CADPS: variants seen among roughly 807,000 people sequenced by gnomAD.
The protein encoded by CADPS is calcium dependent secretion activator, also known as calcium-dependent secretion activator 1.
A neutral mutation model predicts 167.3 loss-of-function variants in CADPS; 57 were observed. The observed-to-expected ratio is 0.34, with a 90% confidence interval of 0.28 to 0.42. CADPS has a LOEUF of 0.42. CADPS is among the 20% of genes least tolerant of loss of function. The pLI is 1.00. For synonymous variants in CADPS, 676 were observed against 635.3 expected (o/e 1.06, Z -0.96); for missense variants, 1,414 against 1,738.1 (o/e 0.81, Z 3.32).
chr3:62,465,670 T>C lies in CADPS; in HGVS notation c.3553-220A>G, dbSNP rs984533193. Among the ~76,000 whole-genome samples the C allele has an allele frequency of 1.3e-5, 2 of 152,224 alleles. No homozygotes were observed. The highest frequency in any genetic ancestry group is 1.9e-4 in the East Asian group (1 of 5,196). On this transcript the variant is annotated intron_variant, in intron 25 of 29. Coordinates refer to ENST00000383710, the MANE Select transcript of CADPS (RefSeq NM_003716.4). This position sits in a 1 kb window ranked among gnomAD's most constrained non-coding sequence, Gnocchi z 4.1. Reference sequence around the variant, plus strand: ...CTTCATTATTATGTGATTGCAAATATAGAGTGTTACAGAAGTGCAAAGTGA... The same window carrying C: ...CTTCATTATTATGTGATTGCAAATACAGAGTGTTACAGAAGTGCAAAGTGA...
intron 17 of CADPS, among the ~76,000 whole-genome samples, chr3:62,509,194 C>A (rs2067246938): frequency 6.7e-6 from 1 of 150,232 alleles, no homozygotes; most frequent in Non-Finnish European, 1.5e-5. Context: ...GTCCCAGCCA[C>A]TTCGGATGCT....
At chr3:62,506,724 C>G (rs2066753638) in intron 17 of CADPS, among the ~76,000 whole-genome samples, 1 of 152,220 alleles carries the variant, frequency 6.6e-6, no homozygotes, top group African/African-American at 2.4e-5. Context: ...ACCTGGCCAA[C>G]CATAGTACCT....
At chr3:62,426,911 CAA>C (rs34473998) in intron 28 of CADPS, among the ~76,000 whole-genome samples, 150 of 141,822 alleles carry the variant, frequency 1.1e-3, no homozygotes, top group African/African-American at 2.2e-3. Context: ...ACTAAAAATA[CAA>C]AAAAAAAAAA....
At chr3:62,777,136 C>G (rs545398838) in intron 1 of CADPS, among the ~76,000 whole-genome samples, 195 of 152,306 alleles carry the variant, frequency 1.3e-3, no homozygotes, top group African/African-American at 4.6e-3. Flanking sequence ...TATGAAATCA[C>G]TAAATCACCA....
intron 17 of CADPS, among the ~76,000 whole-genome samples, chr3:62,509,306 AAG>A (rs1306356168): frequency 3.3e-4 from 45 of 137,660 alleles, no homozygotes; most frequent in Middle Eastern, 3.8e-3. Context: ...AAAAAAAAAA[AAG>A]AAAGAAAGAA....
At chr3:62,715,753 CT>C (rs71123291) in intron 3 of CADPS, among the ~76,000 whole-genome samples, 206 of 89,686 alleles carry the variant, frequency 2.3e-3, no homozygotes, top group East Asian at 0.022. Context: ...GATTATAAAT[CT>C]TTTTTTTTTT....
At chr3:62,535,539 A>G (rs1487392370) in intron 12 of CADPS, among the ~76,000 whole-genome samples, 1 of 152,042 alleles carries the variant, frequency 6.6e-6, no homozygotes, top group Non-Finnish European at 1.5e-5. Context: ...TAAATATTAC[A>G]TAGAGATATT....
chr3:62,610,533 G>A (rs1202437656), intron 6 of CADPS, among the ~76,000 whole-genome samples: 1 of 152,158 alleles, frequency 6.6e-6, no homozygotes, highest in Non-Finnish European at 1.5e-5. Flanking sequence ...TTACAGGCAT[G>A]AGCCACCATG....
intron 1 of CADPS, among the ~76,000 whole-genome samples, chr3:62,815,681 CTACCT>C (rs1485420571): frequency 6.6e-6 from 1 of 152,128 alleles, no homozygotes; most frequent in Non-Finnish European, 1.5e-5. Flanking sequence ...CTTCCTGCTT[CTACCT>C]TTTTGAGTTT....
At chr3:62,794,165 C>T (rs2093193753) in intron 1 of CADPS, among the ~76,000 whole-genome samples, 1 of 152,118 alleles carries the variant, frequency 6.6e-6, no homozygotes, top group African/African-American at 2.4e-5. Flanking sequence ...GGTTCAGTTC[C>T]CAGCTCTGCC....
At chr3:62,484,253 T>A (rs905847171) in intron 21 of CADPS, among the ~76,000 whole-genome samples, 1 of 152,196 alleles carries the variant, frequency 6.6e-6, no homozygotes, top group Admixed American at 6.5e-5. Context: ...AGTGTATTAC[T>A]AGTGTTACTA....
chr3:62,832,333 A>G (rs1427055190), intron 1 of CADPS, among the ~76,000 whole-genome samples: 1 of 152,244 alleles, frequency 6.6e-6, no homozygotes, highest in Non-Finnish European at 1.5e-5. Flanking sequence ...TTTAAGGGAT[A>G]AAGTGGCATT....
Position 62,495,824 on chromosome 3 carries a change from C to A in CADPS, c.2707-2159G>T, listed in dbSNP as rs545893975. 5.3e-5 allele frequency among the ~76,000 whole-genome samples: 8 copies of A among 152,312 alleles called. No individual in the cohort carries two copies. In the South Asian group the frequency reaches 1.2e-3, roughly 24 times the overall value. On this transcript the variant is annotated intron_variant, in intron 18 of 29. Coordinates refer to ENST00000383710, the MANE Select transcript of CADPS (RefSeq NM_003716.4). ...GAGTTTAGCTGCAATTAAGAGATAA[C>A]TGTGACCACTGCTACCATATACCGC...
intron 1 of CADPS, among the ~76,000 whole-genome samples, chr3:62,817,824 C>T (rs1260488704): frequency 2.0e-5 from 3 of 152,090 alleles, no homozygotes; most frequent in Admixed American, 6.6e-5. Flanking sequence ...AAGTAGTTTC[C>T]AAATCAATTT....
At chr3:62,591,825 G>T (rs531361012) in intron 7 of CADPS, among the ~76,000 whole-genome samples, 1 of 152,192 alleles carries the variant, frequency 6.6e-6, no homozygotes, top group East Asian at 1.9e-4. Flanking sequence ...GCACTGAGTG[G>T]GTGGGTCCAG....
intron 7 of CADPS, 124 bp downstream of exon 7, chr3:62,592,513 G>A (rs188829801): frequency 6.6e-4 from 467 of 704,192 alleles, no homozygotes; most frequent in Admixed American, 1.2e-3. Context: ...TGGAGTCCAG[G>A]ACTTAATGTT....
At chr3:62,856,204 T>C (rs2079652499) in intron 1 of CADPS, among the ~76,000 whole-genome samples, 1 of 152,114 alleles carries the variant, frequency 6.6e-6, no homozygotes, top group Non-Finnish European at 1.5e-5. Context: ...GCAGAGGGAA[T>C]AGAGAGCTTT....
rs758824501 is a variant in CADPS, at chr3:62,438,080, AAGGAGGAGAAGG to A, written c.3777+12_3777+23del. 3 of 1,515,440 alleles carry A rather than the reference AAGGAGGAGAAGG, an allele frequency of 2.0e-6. No homozygotes were observed. Among genetic ancestry groups the A allele is most frequent in the Non-Finnish European group, 2.7e-6 (3 of 1,092,578 alleles). The allele number at this position is 1,515,440 out of a possible 1,614,324, so 93.9% of individuals were successfully genotyped here. On this transcript the variant is annotated intron_variant, in intron 28 of 29. Coordinates refer to ENST00000383710, the MANE Select transcript of CADPS (RefSeq NM_003716.4). This position sits in a 1 kb window ranked among gnomAD's most constrained non-coding sequence, Gnocchi z 4.7. The stretch of plus-strand genomic sequence containing the variant: ...TTGGAGGGTCTCCTCCTTGGTTTTC[AAGGAGGAGAAGG>A]CATTTACTTACATCAAATAACCTTT...
intron 6 of CADPS, among the ~76,000 whole-genome samples, chr3:62,624,157 G>GA (rs576008100): frequency 2.6e-5 from 4 of 152,280 alleles, no homozygotes; most frequent in African/African-American, 7.2e-5. Flanking sequence ...TGCTGAGGCT[G>GA]AGAAACCTTG....
Sources: gnomAD v4.1 joint callset for allele counts (sites outside exome capture counted in the v4.1 genomes callset) on GRCh38, gnomAD v4.1.1 for gene constraint, Gnocchi (gnomAD v3.1) non-coding constraint, MANE v1.5 for transcripts, NCBI Gene and HGNC (gene_info 2026-07-23, HGNC 2026-07-21) for gene names.